Variants in TENM3 observed in about 807,000 individuals in gnomAD.
The protein encoded by TENM3 is teneurin transmembrane protein 3.
In TENM3, 63 loss-of-function variants were observed where a neutral mutation model predicts 255.1. That is an observed-to-expected ratio of 0.25 (90% confidence interval 0.20 to 0.30). TENM3 has a LOEUF of 0.30. Among genes scored for constraint, TENM3 ranks in the 10% least tolerant of loss-of-function variants. The probability of loss-of-function intolerance (pLI) is 1.00; values close to 1 mark genes in which losing one functional copy is unlikely to be tolerated. For synonymous variants in TENM3, 1,306 were observed against 1,322.3 expected, an observed-to-expected ratio of 0.99 and a Z score of 0.27; for missense variants, 2,929 against 3,461.1, an observed-to-expected ratio of 0.85 and a Z score of 3.86.
At chr4:182,137,341 C>G in the TENM3 span, among the ~76,000 whole-genome samples, 42 of 150,854 alleles carry the variant, frequency 2.8e-4, 1 homozygote, top group South Asian at 8.4e-4. Flanking sequence ...CCTCCCCCCC[C>G]CCAAAAAGGA....
the TENM3 span, chr4:181,906,012 T>C: frequency 2.1e-6 from 1 of 475,742 alleles, no homozygotes; most frequent in Non-Finnish European, 4.0e-6. Context: ...TTTCATTATA[T>C]CTCGTAACAG....
At chr4:182,593,913 G>A (rs1296512350) in intron 3 of TENM3, among the ~76,000 whole-genome samples, 1 of 152,106 alleles carries the variant, frequency 6.6e-6, no homozygotes, top group Non-Finnish European at 1.5e-5. Context: ...AAACCAGGGA[G>A]GAGCTGGAGC....
chr4:181,732,489 G>C, the TENM3 span, among the ~76,000 whole-genome samples: 2 of 151,960 alleles, frequency 1.3e-5, no homozygotes, highest in African/African-American at 2.4e-5. Context: ...TATCTTAAAG[G>C]CCTAAGCAGC....
At chr4:181,986,664 AC>A in the TENM3 span, among the ~76,000 whole-genome samples, 4 of 150,812 alleles carry the variant, frequency 2.7e-5, no homozygotes, top group African/African-American at 9.8e-5. Flanking sequence ...TTAACAGCCC[AC>A]TCTCACTCCC....
chr4:182,368,767 GT>G (rs1395551430), intron 3 of TENM3, among the ~76,000 whole-genome samples: 32 of 152,254 alleles, frequency 2.1e-4, no homozygotes, highest in African/African-American at 6.7e-4. Context: ...ACGAGTCCTG[GT>G]TTCTTCCCCC....
At chr4:181,910,160 A>G in the TENM3 span, among the ~76,000 whole-genome samples, 1 of 152,220 alleles carries the variant, frequency 6.6e-6, no homozygotes, top group Non-Finnish European at 1.5e-5. Context: ...GTTTTAGTCC[A>G]GAATATATCC....
chr4:182,299,977 G>A (rs371433238), intron 1 of TENM3, among the ~76,000 whole-genome samples: 12 of 151,232 alleles, frequency 7.9e-5, no homozygotes, highest in African/African-American at 2.9e-4. Flanking sequence ...GTGCAGTGGC[G>A]CAATCTTGGC....
the TENM3 span, among the ~76,000 whole-genome samples, chr4:181,593,523 T>A: frequency 6.6e-6 from 1 of 152,190 alleles, no homozygotes; most frequent in Non-Finnish European, 1.5e-5. Context: ...ATGGTACTCC[T>A]GAAATGATGG....
chr4:182,626,712 T>C (rs987414355), intron 4 of TENM3, among the ~76,000 whole-genome samples: 10 of 152,190 alleles, frequency 6.6e-5, no homozygotes, highest in African/African-American at 2.2e-4. Flanking sequence ...GCTATAAACT[T>C]TTAAATTAGC....
the TENM3 span, among the ~76,000 whole-genome samples, chr4:181,596,819 A>T: frequency 6.6e-6 from 1 of 152,058 alleles, no homozygotes; most frequent in Non-Finnish European, 1.5e-5. Context: ...TCCTTAGCAA[A>T]CTCACCCAGG....
intron 24 of TENM3, among the ~76,000 whole-genome samples, chr4:182,779,490 G>C (rs570554836): frequency 2.0e-4 from 31 of 152,132 alleles, no homozygotes; most frequent in Non-Finnish European, 4.4e-4. Context: ...CCAAGTCTTT[G>C]CTATTGTGAA....
intron 1 of TENM3, among the ~76,000 whole-genome samples, chr4:182,162,781 T>G (rs554984245): frequency 2.6e-5 from 4 of 152,240 alleles, no homozygotes; most frequent in South Asian, 4.1e-4. Context: ...AGGATGGAAG[T>G]GCAAAAAGGG....
At chr4:181,604,466 T>G in the TENM3 span, among the ~76,000 whole-genome samples, 24 of 151,570 alleles carry the variant, frequency 1.6e-4, no homozygotes, top group Non-Finnish European at 3.4e-4. Context: ...AGGGGGGACA[T>G]CTCAGTCTTC....
intron 4 of TENM3, among the ~76,000 whole-genome samples, chr4:182,621,743 TAATATATTATAATATATA>T (rs1561016798): frequency 1.1e-4 from 4 of 37,102 alleles, no homozygotes; most frequent in African/African-American, 3.7e-4. Flanking sequence ...ATATAATATA[TAATATATTATAATATATA>T]ATAATTATAT....
intron 3 of TENM3, among the ~76,000 whole-genome samples, chr4:182,406,877 A>G (rs17073248): frequency 0.32 from 49,258 of 152,084 alleles, 8,327 homozygotes; most frequent in Middle Eastern, 0.38. Context: ...CAGACGTTTC[A>G]TGTCCTGTTC....
the TENM3 span, among the ~76,000 whole-genome samples, chr4:182,010,923 T>C: frequency 0.71 from 107,590 of 152,096 alleles, 38,654 homozygotes; most frequent in Non-Finnish European, 0.77. Context: ...TCCACCACTC[T>C]TTCTCTGGGC....
At chr4:181,832,699 A>G in the TENM3 span, among the ~76,000 whole-genome samples, 1 of 152,240 alleles carries the variant, frequency 6.6e-6, no homozygotes, top group Non-Finnish European at 1.5e-5. Context: ...CTTTCCTCAC[A>G]TTCTTGGATC....
chr4:182,448,997 C>A, intron 3 of TENM3: 1 of 400,840 alleles, frequency 2.5e-6, no homozygotes, highest in Non-Finnish European at 5.0e-6. Flanking sequence ...GAGCCAGGCG[C>A]TGTAACACGA....
At chr4:181,620,662 TA>T in the TENM3 span, among the ~76,000 whole-genome samples, 1,420 of 127,270 alleles carry the variant, frequency 0.011, 15 homozygotes, top group African/African-American at 0.031. Context: ...ACAGAGTCCT[TA>T]AAAAAAAAAA....
Sources: allele counts gnomAD v4.1 joint callset (sites outside exome capture counted in the v4.1 genomes callset), GRCh38; gene constraint gnomAD v4.1.1; transcripts MANE v1.5; gene names NCBI Gene and HGNC (gene_info 2026-07-23, HGNC 2026-07-21).